SHISA6: variants seen among roughly 807,000 people sequenced by gnomAD.
SHISA6 encodes the protein protein shisa-6.
A neutral mutation model predicts 47.9 loss-of-function variants in SHISA6; 22 were observed. That is an observed-to-expected ratio of 0.46 (90% CI 0.33 to 0.66). The LOEUF (loss-of-function observed/expected upper bound fraction) is 0.66. Ranked by LOEUF, SHISA6 falls within the 30% of genes least tolerant of loss-of-function variation. The probability of loss-of-function intolerance (pLI) is 0.02; values close to 1 mark genes in which losing one functional copy is unlikely to be tolerated. For synonymous variants in SHISA6, 388 were observed against 337.8 expected (o/e 1.15, Z -1.63); for missense variants, 680 against 764.6 (o/e 0.89, Z 1.30).
chr17:11,410,068 A>G (rs1914073360), intron 3 of SHISA6, among the ~76,000 whole-genome samples: 1 of 152,234 alleles, frequency 6.6e-6, no homozygotes, highest in Non-Finnish European at 1.5e-5. Context: ...GGCAGTAGCC[A>G]CAAGTTGTGA....
chr17:11,501,164 G>C (rs2071449728), intron 3 of SHISA6, among the ~76,000 whole-genome samples: 1 of 151,422 alleles, frequency 6.6e-6, no homozygotes, highest in Admixed American at 6.6e-5. Context: ...CGAGGCTGGA[G>C]TGCAATGGCA....
chr17:11,370,150 C>G (rs2142236994), intron 2 of SHISA6, among the ~76,000 whole-genome samples: 1 of 152,312 alleles, frequency 6.6e-6, no homozygotes, highest in South Asian at 2.1e-4. Flanking sequence ...CCTCTAAAAC[C>G]TCTTAAGATC....
chr17:11,473,787 T>A, intron 3 of SHISA6, among the ~76,000 whole-genome samples: 1 of 152,094 alleles, frequency 6.6e-6, no homozygotes, highest in Non-Finnish European at 1.5e-5. Context: ...CATGTGCAGA[T>A]TGTGCAGGTT....
intron 3 of SHISA6, among the ~76,000 whole-genome samples, chr17:11,427,868 C>T (rs1243077197): frequency 6.6e-6 from 1 of 152,110 alleles, no homozygotes; most frequent in Admixed American, 6.5e-5. Context: ...GGGGACAGCT[C>T]ATAAATAGAG....
intron 2 of SHISA6, among the ~76,000 whole-genome samples, chr17:11,293,213 C>T (rs879876454): frequency 6.6e-6 from 1 of 151,958 alleles, no homozygotes; most frequent in Non-Finnish European, 1.5e-5. Context: ...TAAAGATGGC[C>T]AATATGGAAT....
intron 2 of SHISA6, among the ~76,000 whole-genome samples, chr17:11,302,212 T>A (rs768615172): frequency 1.3e-5 from 2 of 152,192 alleles, no homozygotes; most frequent in Non-Finnish European, 2.9e-5. Context: ...AGAGCTTAAC[T>A]TTAGGCCTCT....
chr17:11,319,019 C>T (rs969214095), intron 2 of SHISA6, among the ~76,000 whole-genome samples: 1 of 150,920 alleles, frequency 6.6e-6, no homozygotes, highest in African/African-American at 2.4e-5. Flanking sequence ...TTCAGCTCTT[C>T]ATTGGTTTTT....
chr17:11,378,348 C>CGT (rs1912885844), intron 2 of SHISA6, among the ~76,000 whole-genome samples: 1 of 150,232 alleles, frequency 6.7e-6, no homozygotes, highest in Admixed American at 6.6e-5. Context: ...TGTGTGTGTG[C>CGT]GCGCACATGC....
intron 2 of SHISA6, among the ~76,000 whole-genome samples, chr17:11,276,662 A>G (rs748409825): frequency 6.6e-6 from 1 of 151,994 alleles, no homozygotes; most frequent in Non-Finnish European, 1.5e-5. Context: ...CACCATGACC[A>G]TCACCACTGC....
At chr17:11,556,950 C>A (rs367662951) in intron 5 of SHISA6, among the ~76,000 whole-genome samples, 2 of 152,224 alleles carry the variant, frequency 1.3e-5, no homozygotes, top group South Asian at 2.1e-4. Flanking sequence ...AAGTTCCAGG[C>A]AAATTCAAGG....
chr17:11,257,172 A>C (rs1390067681), intron 1 of SHISA6, among the ~76,000 whole-genome samples: 3 of 152,202 alleles, frequency 2.0e-5, no homozygotes, highest in Non-Finnish European at 4.4e-5. Context: ...GTGTTTTTCA[A>C]GTGGACTCCG....
chr17:11,354,288 C>G (rs949908960), intron 2 of SHISA6, among the ~76,000 whole-genome samples: 1 of 152,150 alleles, frequency 6.6e-6, no homozygotes, highest in South Asian at 2.1e-4. Context: ...GAGAGTTTGC[C>G]TTTCCAGAAA....
intron 3 of SHISA6, among the ~76,000 whole-genome samples, chr17:11,471,831 C>A (rs1468862236): frequency 6.6e-6 from 1 of 152,152 alleles, no homozygotes; most frequent in Non-Finnish European, 1.5e-5. Context: ...GAGTAAGGCA[C>A]AAAGATGTTC....
intron 3 of SHISA6, among the ~76,000 whole-genome samples, chr17:11,462,085 C>T (rs1456359230): frequency 6.6e-6 from 1 of 152,082 alleles, no homozygotes; most frequent in Non-Finnish European, 1.5e-5. Flanking sequence ...GGGAAAAGAT[C>T]AGCTGGATCA....
intron 2 of SHISA6, among the ~76,000 whole-genome samples, chr17:11,281,940 C>T (rs561515025): frequency 7.9e-5 from 12 of 152,144 alleles, no homozygotes; most frequent in Admixed American, 3.3e-4. Context: ...GGCTATCTTG[C>T]GTTGATGTGA....
intron 3 of SHISA6, among the ~76,000 whole-genome samples, chr17:11,451,650 G>A (rs963698759): frequency 2.0e-5 from 3 of 152,176 alleles, no homozygotes; most frequent in Admixed American, 1.3e-4. Flanking sequence ...ACATGAACAC[G>A]AATGCACATT....
At chr17:11,408,020 T>G (rs960475253) in intron 3 of SHISA6, among the ~76,000 whole-genome samples, 2 of 152,200 alleles carry the variant, frequency 1.3e-5, no homozygotes, top group Non-Finnish European at 2.9e-5. Flanking sequence ...ATGAATATGA[T>G]CTGATGTGCC....
chr17:11,518,184 G>A (rs560209048), intron 3 of SHISA6, among the ~76,000 whole-genome samples: 1 of 152,234 alleles, frequency 6.6e-6, no homozygotes, highest in South Asian at 2.1e-4. Context: ...AACTGTAAGT[G>A]TTGGCAGCTG....
chr17:11,241,521 G>A lies in SHISA6; in HGVS notation c.99G>A (p.Arg33=). The change falls in exon 1 of 6, where the codon CGG becomes CGA. Residue 33 remains arginine, a synonymous_variant. Transcript: ENST00000441885. The surrounding 1 kb of genome is among the most constrained non-coding windows in gnomAD (Gnocchi z 5.5). The stretch of plus-strand genomic sequence containing the variant: ...GAGCCCGCGGCCGCGCCGCCAACCG[G>A]ACCCTGAGTGCAGGCGGCGCTGCCG... ...VHGARGRAAN[R]TLSAGGAAVG... The A allele has an allele frequency of 7.1e-6, 8 of 1,130,316 alleles. No individual in the cohort carries two copies. The highest frequency in any genetic ancestry group is 8.7e-6 in the Non-Finnish European group (8 of 921,162). The allele number at this position is 1,130,316 out of a possible 1,614,324, so 70.0% of individuals were successfully genotyped here.
Sources: gnomAD v4.1 joint callset for allele counts (sites outside exome capture counted in the v4.1 genomes callset) on GRCh38, gnomAD v4.1.1 for gene constraint, Gnocchi (gnomAD v3.1) non-coding constraint, MANE v1.5 for transcripts, NCBI Gene and HGNC (gene_info 2026-07-23, HGNC 2026-07-21) for gene names.